SCHIP1: variants seen among roughly 807,000 people sequenced by gnomAD.
SCHIP1 encodes the protein schwannomin-interacting protein 1.
A neutral mutation model predicts 29.7 loss-of-function variants in SCHIP1; 8 were observed. The observed-to-expected ratio is 0.27, with a 90% CI of 0.16 to 0.49. The LOEUF (loss-of-function observed/expected upper bound fraction) is 0.49. Among genes scored for constraint, SCHIP1 ranks in the 20% least tolerant of loss-of-function variants. The probability of loss-of-function intolerance (pLI) is 0.99; values close to 1 mark genes in which losing one functional copy is unlikely to be tolerated. For missense variants in SCHIP1, 193 were observed against 294.6 expected (o/e 0.66, Z 2.52); for synonymous variants, 76 against 94.9 (o/e 0.80, Z 1.16).
the SCHIP1 span, among the ~76,000 whole-genome samples, chr3:159,627,896 G>A: frequency 3.3e-5 from 5 of 152,200 alleles, no homozygotes; most frequent in Non-Finnish European, 7.3e-5. Context: ...CTGCTGAAAG[G>A]TAGATAAAAC....
chr3:159,393,418 G>A, the SCHIP1 span, among the ~76,000 whole-genome samples: 2 of 151,868 alleles, frequency 1.3e-5, no homozygotes, highest in African/African-American at 2.4e-5. Context: ...TAATGCCTAG[G>A]TTTTCTTCTA....
chr3:159,545,588 C>G, the SCHIP1 span, among the ~76,000 whole-genome samples: 11 of 146,944 alleles, frequency 7.5e-5, no homozygotes, highest in Non-Finnish European at 1.6e-4. Flanking sequence ...ATATATATGT[C>G]TGTGTGTGTG....
At chr3:159,605,225 T>G in the SCHIP1 span, among the ~76,000 whole-genome samples, 5,761 of 152,282 alleles carry the variant, frequency 0.038, 266 homozygotes, top group East Asian at 0.17. Context: ...ATGTAGGGCT[T>G]CAGGGAGCAT....
chr3:159,824,029 C>A, the SCHIP1 span, among the ~76,000 whole-genome samples: 1 of 152,152 alleles, frequency 6.6e-6, no homozygotes, highest in African/African-American at 2.4e-5. Flanking sequence ...ACACCTTAAC[C>A]ATATCCTTTG....
intron 1 of SCHIP1, among the ~76,000 whole-genome samples, chr3:159,851,442 A>G (rs1397209128): frequency 6.6e-6 from 1 of 152,216 alleles, no homozygotes; most frequent in Non-Finnish European, 1.5e-5. Flanking sequence ...ATTTTGCTGT[A>G]AAACACAATT....
the SCHIP1 span, among the ~76,000 whole-genome samples, chr3:159,522,250 C>T: frequency 6.5e-3 from 984 of 152,190 alleles, 10 homozygotes; most frequent in African/African-American, 0.022. Flanking sequence ...AGAGTATAAA[C>T]ACATACCTTT....
the SCHIP1 span, among the ~76,000 whole-genome samples, chr3:159,296,227 T>C: frequency 6.6e-6 from 1 of 152,082 alleles, no homozygotes; most frequent in African/African-American, 2.4e-5. Context: ...AAAAATAGAT[T>C]TAAGACTATT....
chr3:159,833,630 A>T, the SCHIP1 span, among the ~76,000 whole-genome samples: 1 of 152,060 alleles, frequency 6.6e-6, no homozygotes. Context: ...CTGTCTCTAC[A>T]ATCTCTCCCT....
the SCHIP1 span, among the ~76,000 whole-genome samples, chr3:159,561,931 TAGA>T: frequency 6.6e-6 from 1 of 152,228 alleles, no homozygotes; most frequent in Admixed American, 6.5e-5. Context: ...ATTGTTTCCT[TAGA>T]GTAAACTTGA....
At chr3:159,887,891 C>T in exon 4 of SCHIP1, 2 of 1,613,960 alleles carry the variant, frequency 1.2e-6, no homozygotes, top group Non-Finnish European at 8.5e-7. Flanking sequence ...GAAAAAGTCT[C>T]CCGTCGCTGA....
At chr3:159,553,934 G>A in the SCHIP1 span, among the ~76,000 whole-genome samples, 3 of 151,710 alleles carry the variant, frequency 2.0e-5, no homozygotes, top group African/African-American at 7.3e-5. Context: ...CTGAGTAGCT[G>A]GGACTACAGG....
chr3:159,397,687 T>C, the SCHIP1 span, among the ~76,000 whole-genome samples: 1,161 of 152,334 alleles, frequency 7.6e-3, 15 homozygotes, highest in African/African-American at 0.027. Flanking sequence ...TTCTCAGATC[T>C]CCAGCTGCAT....
At chr3:159,582,961 A>G in the SCHIP1 span, among the ~76,000 whole-genome samples, 1 of 152,152 alleles carries the variant, frequency 6.6e-6, no homozygotes, top group African/African-American at 2.4e-5. Flanking sequence ...AATAAGCACA[A>G]AAATTGGTTA....
chr3:159,490,667 A>G, the SCHIP1 span, among the ~76,000 whole-genome samples: 2 of 152,226 alleles, frequency 1.3e-5, no homozygotes, highest in African/African-American at 4.8e-5. Flanking sequence ...AGGTGTACCA[A>G]AGCTGTGGAT....
At chr3:159,307,366 A>T in the SCHIP1 span, among the ~76,000 whole-genome samples, 11 of 152,306 alleles carry the variant, frequency 7.2e-5, no homozygotes, top group South Asian at 1.9e-3. Flanking sequence ...ACACTCTCAG[A>T]GTCATTGTGG....
the SCHIP1 span, among the ~76,000 whole-genome samples, chr3:159,465,238 G>A: frequency 6.6e-6 from 1 of 152,028 alleles, no homozygotes; most frequent in Non-Finnish European, 1.5e-5. Context: ...ACAAAAGGAA[G>A]TATCCAATAG....
chr3:159,786,179 G>T, the SCHIP1 span, among the ~76,000 whole-genome samples: 1 of 152,168 alleles, frequency 6.6e-6, no homozygotes, highest in African/African-American at 2.4e-5. Flanking sequence ...TGTTTGTAGT[G>T]CCATGAAGCA....
chr3:159,521,692 A>T, the SCHIP1 span, among the ~76,000 whole-genome samples: 2,080 of 152,354 alleles, frequency 0.014, 49 homozygotes, highest in African/African-American at 0.047. Flanking sequence ...ACACAAATTT[A>T]TATATAGTGA....
At chr3:159,382,899 T>C in the SCHIP1 span, among the ~76,000 whole-genome samples, 6 of 151,992 alleles carry the variant, frequency 3.9e-5, no homozygotes, top group South Asian at 2.1e-4. Context: ...GCTGCATTAA[T>C]GTCTTCTTTT....
Sources: allele counts gnomAD v4.1 joint callset (sites outside exome capture counted in the v4.1 genomes callset), GRCh38; gene constraint gnomAD v4.1.1; transcripts MANE v1.5; gene names NCBI Gene and HGNC (gene_info 2026-07-23, HGNC 2026-07-21).